The following ERFL variants were observed in gnomAD, a reference collection of about 807,000 sequenced individuals.
ERFL encodes ETS repressor factor like.
In ERFL, 8 loss-of-function variants were observed where a neutral mutation model predicts 27.9. That is an observed-to-expected ratio of 0.29 (90% CI 0.17 to 0.52). The LOEUF is 0.52. Ranked by LOEUF, ERFL falls within the 20% of genes least tolerant of loss-of-function variation. The probability of loss-of-function intolerance (pLI) is 0.97; values close to 1 mark genes in which losing one functional copy is unlikely to be tolerated. For synonymous variants in ERFL, 174 were observed against 202.8 expected, an observed-to-expected ratio of 0.86 and a Z score of 1.21; for missense variants, 294 against 444.4, an observed-to-expected ratio of 0.66 and a Z score of 3.04.
intron 1 of ERFL, among the ~76,000 whole-genome samples, chr19:41,913,333 C>T (rs2074765901): frequency 6.6e-6 from 1 of 151,704 alleles, no homozygotes; most frequent in South Asian, 2.1e-4. Flanking sequence ...GCTCTCCCGC[C>T]TGACCTCCCG....
At position 41,909,316 on chromosome 19, in the gene ERFL, C is replaced by A. The variant is rs905767030; in HGVS notation, c.458G>T (p.Gly153Val). ...AGGAGCATCTGGCCCTGGGGCCCCC[C>A]CAAAGGGACTGGGGGTCAGCAAGAG... ...SPLLLTPSPF[G>V]GAPGPDAPPL... The change falls in exon 4 of 6, where the codon GGG becomes GTG. Residue 153 changes from glycine (G) to valine (V), a missense_variant. Coordinates refer to ENST00000597630, the MANE Select transcript of ERFL (RefSeq NM_001365103.2). The surrounding 1 kb of genome is among the most constrained non-coding windows in gnomAD (Gnocchi z 5.2). 12 of 1,234,980 alleles carry A rather than the reference C, an allele frequency of 9.7e-6. No individual in the cohort carries two copies. In the Admixed American group the frequency reaches 1.3e-4, roughly 13 times the overall value. 76.5% of individuals were successfully genotyped at this position (1,234,980 alleles called of 1,614,324 possible).
At chr19:41,915,250 G>A (rs1326329265) in intron 1 of ERFL, among the ~76,000 whole-genome samples, 1 of 149,100 alleles carries the variant, frequency 6.7e-6, no homozygotes, top group Non-Finnish European at 1.5e-5. Context: ...TGGGATCGGC[G>A]CTCCGGGCCC....
rs2074725656 is a variant in ERFL at position 41,907,851 on chromosome 19, T to C, written c.*377A>G. ...AGCTCCCTGTCCCCAGGGGGGCCTA[T>C]ATGGGGGGGGTGTCAGGACTGGGGC... On this transcript the variant is annotated 3_prime_UTR_variant, in exon 6 of 6. Transcript: ENST00000597630. 1 of 134,282 alleles carries C rather than the reference T, an allele frequency of 7.4e-6. No individual in the cohort carries two copies. Among genetic ancestry groups the C allele is most frequent in the South Asian group, 2.8e-4 (1 of 3,630 alleles). 8.3% of individuals were successfully genotyped at this position (134,282 alleles called of 1,614,324 possible).
intron 1 of ERFL, among the ~76,000 whole-genome samples, chr19:41,926,734 G>A (rs906025501): frequency 4.6e-5 from 7 of 152,154 alleles, no homozygotes; most frequent in South Asian, 2.1e-4. Context: ...CGGGCGGGGG[G>A]GCCGTTTAGC....
At position 41,909,754 on chromosome 19, in the gene ERFL, T is replaced by C; in HGVS notation, c.302+109A>G. ...GATGGTGGCTACTCACGCACAGCCC[T>C]GTGCCTTGTGGGATCCAGCAGGAAC... On this transcript the variant is annotated intron_variant, in intron 3 of 5. Transcript: ENST00000597630. This position sits in a 1 kb window ranked among gnomAD's most constrained non-coding sequence, Gnocchi z 5.2. 1 of 1,254,832 alleles carries C rather than the reference T, an allele frequency of 8.0e-7. No individual in the cohort carries two copies. The allele number at this position is 1,254,832 out of a possible 1,614,324, so 77.7% of individuals were successfully genotyped here. A position where few individuals can be genotyped will look rare whatever the true frequency, so the allele number is the denominator to read the frequency against.
chr19:41,913,155 C>G (rs898018023), intron 1 of ERFL, among the ~76,000 whole-genome samples: 2 of 152,018 alleles, frequency 1.3e-5, no homozygotes, highest in Admixed American at 1.3e-4. Context: ...AGCCTCTCCT[C>G]CCGCAGCCTC....
chr19:41,923,089 C>G (rs2074851517), intron 1 of ERFL: 1 of 454,572 alleles, frequency 2.2e-6, no homozygotes, highest in Admixed American at 2.4e-5. Context: ...TTGCTTCCCT[C>G]AGCACCCCAT....
At chr19:41,911,397 A>G (rs1408683656) in intron 2 of ERFL, among the ~76,000 whole-genome samples, 3 of 152,212 alleles carry the variant, frequency 2.0e-5, no homozygotes, top group African/African-American at 7.2e-5. Flanking sequence ...AGGAGAGAGG[A>G]GACTGCTGTG....
chr19:41,913,505 C>T (rs1451119808), intron 1 of ERFL, among the ~76,000 whole-genome samples: 3 of 151,656 alleles, frequency 2.0e-5, no homozygotes, highest in African/African-American at 2.4e-5. Flanking sequence ...CCGCCCAGGA[C>T]GGGCTGCAGG....
rs1260595261 is a variant in ERFL at position 41,917,432 on chromosome 19, G to T, written c.-13-4500C>A. On this transcript the variant is annotated intron_variant, in intron 1 of 5. Coordinates refer to ENST00000597630, the MANE Select transcript of ERFL (RefSeq NM_001365103.2). This position sits in a 1 kb window ranked among gnomAD's most constrained non-coding sequence, Gnocchi z 4.8. ...CGCCGGCCGCCTCGGGAGCCGCCTCGGGCCTCGCACCCCCACCACCAGCCC... is the reference window on the plus strand; with the variant it reads ...CGCCGGCCGCCTCGGGAGCCGCCTCTGGCCTCGCACCCCCACCACCAGCCC... 6.6e-6 allele frequency among the ~76,000 whole-genome samples: 1 copy of T among 151,822 alleles called. No homozygotes were observed. The highest frequency in any genetic ancestry group is 6.6e-5 in the Admixed American group (1 of 15,244).
rs1250894878 is a variant in ERFL at position 41,916,374 on chromosome 19, CAG to C, written c.-13-3444_-13-3443del. 1.3e-5 allele frequency among the ~76,000 whole-genome samples: 2 copies of C among 152,096 alleles called. No homozygotes were observed. The highest frequency in any genetic ancestry group is 2.9e-5 in the Non-Finnish European group (2 of 68,002). On this transcript the variant is annotated intron_variant, in intron 1 of 5. Coordinates refer to ENST00000597630, the MANE Select transcript of ERFL (RefSeq NM_001365103.2). This position sits in a 1 kb window ranked among gnomAD's most constrained non-coding sequence, Gnocchi z 5.4. The stretch of plus-strand genomic sequence containing the variant: ...GCTGCCACACACAACCCACATCACA[CAG>C]ATGCATGTGTCAGTAAAGTCACACA...
At chr19:41,915,305 T>G (rs1555851876) in intron 1 of ERFL, among the ~76,000 whole-genome samples, 1 of 151,416 alleles carries the variant, frequency 6.6e-6, no homozygotes, top group East Asian at 2.0e-4. Context: ...GTCTCTGCCA[T>G]CTCGCAGTCT....
Position 41,922,889 on chromosome 19 carries a change from G to A in ERFL, c.-14+5151C>T, listed in dbSNP as rs558296094. On this transcript the variant is annotated intron_variant, in intron 1 of 5. Coordinates refer to ENST00000597630, the MANE Select transcript of ERFL (RefSeq NM_001365103.2). The stretch of plus-strand genomic sequence containing the variant: ...CGATCCCTGTCCCCAGCCCCACACC[G>A]GGTCCCATGCCCAGGCCTGGGCTGG... Among the ~76,000 whole-genome samples, 14 of 152,332 alleles carry A rather than the reference G, an allele frequency of 9.2e-5. No individual in the cohort carries two copies. In the South Asian group the frequency reaches 1.4e-3, roughly 16 times the overall value.
In ERFL at chr19:41,917,495, C is replaced by T. The variant is rs1430108931; in HGVS notation, c.-13-4563G>A. On this transcript the variant is annotated intron_variant, in intron 1 of 5. Transcript: ENST00000597630. This position sits in a 1 kb window ranked among gnomAD's most constrained non-coding sequence, Gnocchi z 4.8. The stretch of plus-strand genomic sequence containing the variant: ...CCCAGGCCCCCCCATCCCCACCTCC[C>T]CTTAACACAATCTGCACAATCGGAA... Among the ~76,000 whole-genome samples the T allele has an allele frequency of 6.6e-6, 1 of 151,844 alleles. No individual in the cohort carries two copies. Among genetic ancestry groups the T allele is most frequent in the African/African-American group, 2.4e-5 (1 of 41,320 alleles).
At position 41,920,023 on chromosome 19, in the gene ERFL, C is replaced by T. The variant is rs1185005892; in HGVS notation, c.-13-7091G>A. Among the ~76,000 whole-genome samples the T allele has an allele frequency of 9.2e-5, 12 of 129,766 alleles. No homozygotes were observed. The South Asian group carries it at 1.4e-3, about 15-fold the overall frequency. The allele number at this position is 129,766 out of a possible 152,430, so 85.1% of individuals were successfully genotyped here. A position where few individuals can be genotyped will look rare whatever the true frequency, so the allele number is the denominator to read the frequency against. On this transcript the variant is annotated intron_variant, in intron 1 of 5. Coordinates refer to ENST00000597630, the MANE Select transcript of ERFL (RefSeq NM_001365103.2). ...ACATGACGAACTCACAGACATGACG[C>T]GCTCACAGACATGATACGCTCACAG...
At chr19:41,911,287 T>G (rs2074749923) in intron 2 of ERFL, among the ~76,000 whole-genome samples, 1 of 152,180 alleles carries the variant, frequency 6.6e-6, no homozygotes, top group Admixed American at 6.5e-5. Context: ...GTGTTCACTC[T>G]TATGCCACAT....
At chr19:41,926,242 T>A (rs970036266) in intron 1 of ERFL, among the ~76,000 whole-genome samples, 2 of 150,990 alleles carry the variant, frequency 1.3e-5, no homozygotes, top group Non-Finnish European at 3.0e-5. Flanking sequence ...ACCAGACATC[T>A]TAAGGGCAGG....
At chr19:41,923,520 C>A (rs1201544218) in intron 1 of ERFL, among the ~76,000 whole-genome samples, 1 of 148,332 alleles carries the variant, frequency 6.7e-6, no homozygotes, top group Non-Finnish European at 1.5e-5. Flanking sequence ...CCAAGAGAGA[C>A]AGAGAGACTC....
chr19:41,908,546 CG>C lies in ERFL; in HGVS notation c.746del (p.Pro249ArgfsTer116). On this transcript the variant is annotated frameshift_variant, in exon 6 of 6. Coordinates refer to ENST00000597630, the MANE Select transcript of ERFL (RefSeq NM_001365103.2). LOFTEE classifies it high-confidence loss of function. This position sits in a 1 kb window ranked among gnomAD's most constrained non-coding sequence, Gnocchi z 6.7. ...TGGCCAGAGGGTTGGGGTAGAAATG[CG>C]GGGGGTAGAGAGAGGGAGGCAGCTT... ...FPKLPPSLYP[P>X]HFYPNPLASS... 1 of 1,231,462 alleles carries C rather than the reference CG, an allele frequency of 8.1e-7. No homozygotes were observed. Among genetic ancestry groups the C allele is most frequent in the Non-Finnish European group, 1.0e-6 (1 of 987,932 alleles). The allele number at this position is 1,231,462 out of a possible 1,614,324, so 76.3% of individuals were successfully genotyped here. A position where few individuals can be genotyped will look rare whatever the true frequency, so the allele number is the denominator to read the frequency against.
Sources: allele counts gnomAD v4.1 joint callset (sites outside exome capture counted in the v4.1 genomes callset), GRCh38; gene constraint gnomAD v4.1.1; non-coding constraint Gnocchi (gnomAD v3.1); transcripts MANE v1.5; gene names NCBI Gene and HGNC (gene_info 2026-07-23, HGNC 2026-07-21).